The following HOXB2 variants were observed in gnomAD, a reference collection of about 807,000 sequenced individuals.
HOXB2 encodes the protein homeobox B2.
A neutral mutation model predicts 13.1 loss-of-function variants in HOXB2; 14 were observed. The ratio of observed to expected loss-of-function variants is 1.07; its 90% CI spans 0.71 to 1.67. The LOEUF (loss-of-function observed/expected upper bound fraction) is 1.67, where lower values mean the gene tolerates loss of function less well. Ranked by LOEUF, HOXB2 falls within the 40% of genes most tolerant of loss-of-function variation. HOXB2 has a pLI of 0.00. For missense variants in HOXB2, 582 were observed against 488.3 expected (o/e 1.19, Z -1.81); for synonymous variants, 261 against 233.1 (o/e 1.12, Z -1.09).
rs1230209003 is a variant in HOXB2, at chr17:48,544,651, G to A, written c.261C>T (p.Pro87=). 4 of 1,611,660 alleles carry A rather than the reference G, an allele frequency of 2.5e-6. No individual in the cohort carries two copies. Among genetic ancestry groups the A allele is most frequent in the African/African-American group, 2.7e-5 (2 of 74,880 alleles). Residue 87 remains proline, a synonymous_variant, in exon 1 of 2, where the codon CCC becomes CCT. Coordinates refer to ENST00000330070, the MANE Select transcript of HOXB2 (RefSeq NM_002145.4). The stretch of plus-strand genomic sequence containing the variant: ...GGAACTCGGGGGCCGGGGGGGCAGC[G>A]GGGAGTGGCGGCGGCGGTGGCGGCG... ...ALPPPPPPPL[P]AAPPAPEFPW...
At position 48,543,186 on chromosome 17, in the gene HOXB2, A is replaced by T. The variant is rs938834752; in HGVS notation, c.953T>A (p.Leu318Gln). ...NFFAADSCLQ[L>Q]SGGLSPSLQG... The stretch of plus-strand genomic sequence containing the variant: ...TAGGCTAGGGGAGAGGCCTCCGGAT[A>T]GCTGGAGACAGGAGTCGGCCGCGAA... The change falls in exon 2 of 2, where the codon CTA (leucine) becomes CAA (glutamine). Residue 318 changes from leucine (L) to glutamine (Q), a missense_variant. Leu to Gln is a moderately radical substitution (Grantham distance 113, BLOSUM62 -2). Transcript: ENST00000330070. The T allele has an allele frequency of 1.9e-6, 3 of 1,613,750 alleles. No individual in the cohort carries two copies. The highest frequency in any genetic ancestry group is 2.2e-5 in the East Asian group (1 of 44,858).
Position 48,543,696 on chromosome 17 carries a change from G to A in HOXB2, c.443C>T (p.Thr148Met), listed in dbSNP as rs778673975. ...CAGCAGCTGCGTGTTGGTGTAAGCC[G>A]TGCGCAGCCTGCGCGCCCCGCCGCC... ...AGGGGARRLR[T>M]AYTNTQLLEL... Residue 148 changes from threonine (T) to methionine (M), a missense_variant, in exon 2 of 2, where the codon ACG (threonine) becomes ATG (methionine). Transcript: ENST00000330070. 6.8e-6 allele frequency: 11 copies of A among 1,610,498 alleles called. No homozygotes were observed. Among genetic ancestry groups the A allele is most frequent in the Admixed American group, 5.0e-5 (3 of 59,830 alleles).
rs201525000 is a variant in HOXB2, at chr17:48,543,737, T to G, written c.402A>C (p.Gly134=). 2 of 1,599,510 alleles carry G rather than the reference T, an allele frequency of 1.3e-6. No individual in the cohort carries two copies. The highest frequency in any genetic ancestry group is 4.5e-5 in the East Asian group (2 of 44,634). Residue 134 remains glycine (G), a synonymous_variant, in exon 2 of 2, where the codon GGA becomes GGC. Coordinates refer to ENST00000330070, the MANE Select transcript of HOXB2 (RefSeq NM_002145.4). ...CCCCGCCGCCACCAGCCTCCGGCAG[T>G]CCCAGGCCATCTGCAGGGAAAACAG... ...SGVGSPADGL[G]LPEAGGGGAR... is the part of the protein sequence containing the mutation.
Position 48,544,630 on chromosome 17 carries a change from C to G in HOXB2, c.282G>C (p.Glu94Asp), listed in dbSNP as rs1490300013. 3 of 1,611,906 alleles carry G rather than the reference C, an allele frequency of 1.9e-6. No homozygotes were observed. Among genetic ancestry groups the G allele is most frequent in the East Asian group, 2.2e-5 (1 of 44,850 alleles). ...ATTTCTTCTCTTTCATCCAAGGGAACTCGGGGGCCGGGGGGGCAGCGGGGA... is the reference window on the plus strand; with the variant it reads ...ATTTCTTCTCTTTCATCCAAGGGAAGTCGGGGGCCGGGGGGGCAGCGGGGA... ...PPLPAAPPAP[E>D]FPWMKEKKSA... The change falls in exon 1 of 2, where the codon GAG becomes GAC. Residue 94 changes from glutamate (E) to aspartate (D), a missense_variant. Glu to Asp is a conservative substitution (Grantham distance 45, BLOSUM62 2). Coordinates refer to ENST00000330070, the MANE Select transcript of HOXB2 (RefSeq NM_002145.4).
chr17:48,544,412 G>A (rs953384460), intron 1 of HOXB2, 109 bp downstream of exon 1: 6 of 1,454,312 alleles, frequency 4.1e-6, no homozygotes, highest in South Asian at 1.5e-5. Context: ...GAATGGAGGG[G>A]GTAAGGAACC....
At position 48,543,440 on chromosome 17, in the gene HOXB2, G is replaced by A. The variant is rs761250857; in HGVS notation, c.699C>T (p.Gly233=). The change falls in exon 2 of 2, where the codon GGC becomes GGT. Residue 233 remains glycine, a synonymous_variant. Transcript: ENST00000330070. The part of the protein sequence containing the change: ...DPAEEPAASP[G]GPSASRAAWE... ...ACGCCGCCCGCGAGGCGGAGGGGCC[G>A]CCCGGGCTGGCCGCGGGTTCCTCGG... The A allele has an allele frequency of 5.6e-6, 9 of 1,598,536 alleles. No homozygotes were observed. The East Asian group carries it at 1.6e-4, about 28-fold the overall frequency.
In HOXB2 at chr17:48,544,646, G is replaced by T; in HGVS notation, c.266C>A (p.Ala89Asp). The T allele has an allele frequency of 1.2e-6, 2 of 1,612,120 alleles. No homozygotes were observed. Among genetic ancestry groups the T allele is most frequent in the Non-Finnish European group, 1.7e-6 (2 of 1,179,512 alleles). ...PPPPPPPLPA[A>D]PPAPEFPWMK... is the part of the protein sequence containing the mutation. ...CCAAGGGAACTCGGGGGCCGGGGGG[G>T]CAGCGGGGAGTGGCGGCGGCGGTGG... Residue 89 changes from alanine to aspartate, a missense_variant, in exon 1 of 2, where the codon GCC (alanine) becomes GAC (aspartate). Ala to Asp is a moderately radical substitution (Grantham distance 126). Transcript: ENST00000330070.
Position 48,544,940 on chromosome 17 carries a change from T to TGGGGGGGCGGCG in HOXB2, c.-30_-29insCGCCGCCCCCCC. On this transcript the variant is annotated 5_prime_UTR_variant, in exon 1 of 2. Transcript: ENST00000330070. ...TTTCAATGGTGGGGGAGGGGGCTGC[T>TGGGGGGGCGGCG]GGGGGGGGCGTCAGGAGGGAGGATC... The TGGGGGGGCGGCG allele has an allele frequency of 3.7e-6, 1 of 271,686 alleles. No individual in the cohort carries two copies. The allele number at this position is 271,686 out of a possible 1,614,324, so 16.8% of individuals were successfully genotyped here.
chr17:48,544,155 G>A (rs2144706298), intron 1 of HOXB2: 1 of 985,242 alleles, frequency 1.0e-6, no homozygotes, highest in East Asian at 1.1e-4. Flanking sequence ...CTAGAGTTGG[G>A]GCAGAAAGGA....
Position 48,542,820 on chromosome 17 carries a change from T to G in HOXB2, c.*248A>C, listed in dbSNP as rs865944543. On this transcript the variant is annotated 3_prime_UTR_variant, in exon 2 of 2. Transcript: ENST00000330070. Reference sequence around the variant, plus strand: ...ATTTTTAAGAAAGTCCCCCTAGAGTTTAATTATTCCTGAGATTTCATTGGA... The same window carrying G: ...ATTTTTAAGAAAGTCCCCCTAGAGTGTAATTATTCCTGAGATTTCATTGGA... 5.4e-6 allele frequency: 2 copies of G among 368,740 alleles called. No homozygotes were observed. Among genetic ancestry groups the G allele is most frequent in the South Asian group, 2.5e-4 (2 of 8,122 alleles). 22.8% of individuals were successfully genotyped at this position (368,740 alleles called of 1,614,324 possible).
chr17:48,543,146 G>A lies in HOXB2; in HGVS notation c.993C>T (p.Asp331=). 6.2e-7 allele frequency: 1 copy of A among 1,613,660 alleles called. No individual in the cohort carries two copies. Among genetic ancestry groups the A allele is most frequent in the Non-Finnish European group, 8.5e-7 (1 of 1,179,892 alleles). Residue 331 remains aspartate, a synonymous_variant, in exon 2 of 2, where the codon GAC becomes GAT. Coordinates refer to ENST00000330070, the MANE Select transcript of HOXB2 (RefSeq NM_002145.4). ...GLSPSLQGSL[D]SPVPFSEEEL... is the part of the protein sequence containing the mutation. ...CTTCCTCGGAAAAAGGGACCGGGCT[G>A]TCGAGAGAACCCTGTAGGCTAGGGG...
chr17:48,543,391 C>T lies in HOXB2; in HGVS notation c.748G>A (p.Glu250Lys). The part of the protein sequence containing the change: ...AAWEACCHPP[E>K]VVPGALSADP... ...GCGCTTAAGGCCCCCGGCACCACCT[C>T]CGGCGGGTGACAGCAGGCTTCCCAC... Residue 250 changes from glutamate to lysine, a missense_variant, in exon 2 of 2, where the codon GAG becomes AAG. Transcript: ENST00000330070. 6.3e-7 allele frequency: 1 copy of T among 1,584,920 alleles called. No individual in the cohort carries two copies. The highest frequency in any genetic ancestry group is 8.6e-7 in the Non-Finnish European group (1 of 1,168,978).
At position 48,543,257 on chromosome 17, in the gene HOXB2, G is replaced by C; in HGVS notation, c.882C>G (p.Val294=). The C allele has an allele frequency of 6.2e-7, 1 of 1,610,008 alleles. No individual in the cohort carries two copies. The highest frequency in any genetic ancestry group is 8.5e-7 in the Non-Finnish European group (1 of 1,179,852). Residue 294 remains valine (V), a synonymous_variant, in exon 2 of 2, where the codon GTC becomes GTG. Coordinates refer to ENST00000330070, the MANE Select transcript of HOXB2 (RefSeq NM_002145.4). ...AAGGTGAATCCTGGCGCCCCGAGAAGACGTCTTCTGGCAATGGCCCGGGCT... is the reference window on the plus strand; with the variant it reads ...AAGGTGAATCCTGGCGCCCCGAGAACACGTCTTCTGGCAATGGCCCGGGCT... ...GLEPGPLPED[V]FSGRQDSPFL...
At chr17:48,543,807 G>T (rs1467154973) in intron 1 of HOXB2, 60 bp from the exon 2 acceptor site, 2 of 1,510,504 alleles carry the variant, frequency 1.3e-6, no homozygotes, top group Non-Finnish European at 1.8e-6. Context: ...ACCTCAGTTC[G>T]GACTACCCCA....
In HOXB2 at chr17:48,543,298, C is replaced by T. The variant is rs757763941; in HGVS notation, c.841G>A (p.Gly281Arg). ...GASSPGCALRGAGGLEPGPLP... is the reference protein window; with the variant it reads ...GASSPGCALRRAGGLEPGPLP... ...GGCCCGGGCTCCAGCCCGCCGGCCC[C>T]GCGCAGCGCGCAGCCGGGACTCGAC... Residue 281 changes from glycine (G) to arginine (R), a missense_variant, in exon 2 of 2, where the codon GGG becomes AGG. Gly to Arg is a moderately radical substitution (Grantham distance 125). Transcript: ENST00000330070. 2 of 1,602,336 alleles carry T rather than the reference C, an allele frequency of 1.2e-6. No homozygotes were observed. Among genetic ancestry groups the T allele is most frequent in the Non-Finnish European group, 1.7e-6 (2 of 1,178,296 alleles).
chr17:48,544,901 T>A lies in HOXB2; in HGVS notation c.11A>T (p.Glu4Val). Residue 4 changes from glutamate to valine, a missense_variant, in exon 1 of 2, where the codon GAA (glutamate) becomes GTA (valine). Glu to Val is a moderately radical substitution (Grantham distance 121, BLOSUM62 -2). Coordinates refer to ENST00000330070, the MANE Select transcript of HOXB2 (RefSeq NM_002145.4). Reference protein sequence around the residue: MNFEFEREIGFINS... With the variant: MNFVFEREIGFINS... Reference sequence around the variant, plus strand: ...TATAAACCCAATCTCCCTCTCAAATTCAAAATTCATGGCTTTCAATGGTGG... The same window carrying A: ...TATAAACCCAATCTCCCTCTCAAATACAAAATTCATGGCTTTCAATGGTGG... 2.9e-6 allele frequency: 3 copies of A among 1,023,394 alleles called. No homozygotes were observed. The highest frequency in any genetic ancestry group is 4.2e-6 in the Non-Finnish European group (3 of 722,074). 63.4% of individuals were successfully genotyped at this position (1,023,394 alleles called of 1,614,324 possible). A position where few individuals can be genotyped will look rare whatever the true frequency, so the allele number is the denominator to read the frequency against.
In HOXB2 at chr17:48,543,667, G is replaced by A. The variant is rs149506389; in HGVS notation, c.472C>T (p.Leu158=). The change falls in exon 2 of 2, where the codon CTG becomes TTG. Residue 158 remains leucine (L), a synonymous_variant. Transcript: ENST00000330070. ...TTATTAAAGTGGAATTCCTTCTCCA[G>A]TTCCAGCAGCTGCGTGTTGGTGTAA... The part of the protein sequence containing the change: ...TAYTNTQLLE[L]EKEFHFNKYL... 116 of 1,613,460 alleles carry A rather than the reference G, an allele frequency of 7.2e-5. No homozygotes were observed. The highest frequency in any genetic ancestry group is 9.4e-5 in the Non-Finnish European group (111 of 1,179,988).
chr17:48,544,938 G>A lies in HOXB2; in HGVS notation c.-27C>T. ...GCTTTCAATGGTGGGGGAGGGGGCTGCTGGGGGGGGCGTCAGGAGGGAGGA... is the reference window on the plus strand; with the variant it reads ...GCTTTCAATGGTGGGGGAGGGGGCTACTGGGGGGGGCGTCAGGAGGGAGGA... On this transcript the variant is annotated 5_prime_UTR_variant, in exon 1 of 2. Transcript: ENST00000330070. The A allele has an allele frequency of 7.3e-7, 1 of 1,373,938 alleles. No individual in the cohort carries two copies. Among genetic ancestry groups the A allele is most frequent in the Non-Finnish European group, 9.8e-7 (1 of 1,024,222 alleles). 85.1% of individuals were successfully genotyped at this position (1,373,938 alleles called of 1,614,324 possible).
chr17:48,543,392 C>T lies in HOXB2; in HGVS notation c.747G>A (p.Pro249=). 6.3e-7 allele frequency: 1 copy of T among 1,584,300 alleles called. No individual in the cohort carries two copies. The highest frequency in any genetic ancestry group is 8.6e-7 in the Non-Finnish European group (1 of 1,168,702). Residue 249 remains proline (P), a synonymous_variant, in exon 2 of 2, where the codon CCG becomes CCA. Coordinates refer to ENST00000330070, the MANE Select transcript of HOXB2 (RefSeq NM_002145.4). The part of the protein sequence containing the change: ...RAAWEACCHP[P]EVVPGALSAD... ...CGCTTAAGGCCCCCGGCACCACCTC[C>T]GGCGGGTGACAGCAGGCTTCCCACG...
Sources: gnomAD v4.1 joint callset for allele counts on GRCh38, gnomAD v4.1.1 for gene constraint, MANE v1.5 for transcripts, NCBI Gene and HGNC (gene_info 2026-07-23, HGNC 2026-07-21) for gene names.